Variants in ARHGAP25 observed in about 807,000 individuals in gnomAD.
ARHGAP25 encodes Rho GTPase activating protein 25, also known as rho GTPase-activating protein 25.
Under a neutral mutation model 71.0 loss-of-function variants are expected in ARHGAP25, and 34 were observed. The observed-to-expected ratio is 0.48, with a 90% confidence interval of 0.36 to 0.64. ARHGAP25 has a LOEUF of 0.64. Among genes scored for constraint, ARHGAP25 ranks in the 30% least tolerant of loss-of-function variants. The pLI is 0.00. For missense variants in ARHGAP25, 706 were observed against 805.1 expected, an observed-to-expected ratio of 0.88 and a Z score of 1.49; for synonymous variants, 282 against 296.5, an observed-to-expected ratio of 0.95 and a Z score of 0.50.
intron 2 of ARHGAP25, among the ~76,000 whole-genome samples, chr2:68,712,483 C>T (rs1004360692): frequency 4.6e-5 from 7 of 152,116 alleles, no homozygotes; most frequent in Non-Finnish European, 7.4e-5. Flanking sequence ...AAGATAGTTT[C>T]TTTTTCTGTA....
chr2:68,782,132 C>A, intron 2 of ARHGAP25, 101 bp from the exon 3 acceptor site: 1 of 1,062,598 alleles, frequency 9.4e-7, no homozygotes, highest in Non-Finnish European at 1.4e-6. Context: ...TATCCTCCTA[C>A]TCTCCTCCCC....
At chr2:68,753,830 G>A (rs34334511) in intron 1 of ARHGAP25, among the ~76,000 whole-genome samples, 8,255 of 152,088 alleles carry the variant, frequency 0.054, 307 homozygotes, top group Middle Eastern at 0.1. Context: ...GAGAATGTCA[G>A]CTCTGTGTAA....
chr2:68,754,340 A>G (rs1014994560), intron 1 of ARHGAP25, among the ~76,000 whole-genome samples: 19 of 152,188 alleles, frequency 1.2e-4, no homozygotes, highest in Admixed American at 5.9e-4. Flanking sequence ...CATATAAATG[A>G]AATGATAATG....
chr2:68,821,814 G>A (rs1681689154), intron 9 of ARHGAP25, among the ~76,000 whole-genome samples: 1 of 150,608 alleles, frequency 6.6e-6, no homozygotes, highest in African/African-American at 2.4e-5. Context: ...AATTACATTG[G>A]TTGTTGATCT....
At chr2:68,766,817 T>TCA (rs1438386734) in intron 1 of ARHGAP25, among the ~76,000 whole-genome samples, 1 of 152,046 alleles carries the variant, frequency 6.6e-6, no homozygotes, top group Non-Finnish European at 1.5e-5. Context: ...TTTCTCTCTC[T>TCA]CACACACACA....
chr2:68,747,343 G>A lies in ARHGAP25; in HGVS notation c.61+12083G>A, dbSNP rs1027961926. On this transcript the variant is annotated intron_variant, in intron 1 of 10. Transcript: ENST00000409202. ...CTGGCCACATCATTCGTGGAGCCTA[G>A]TACAAAATGAAAATGTGGGGTCCCT... Among the ~76,000 whole-genome samples the A allele has an allele frequency of 2.0e-5, 3 of 152,106 alleles. No individual in the cohort carries two copies. The East Asian group carries it at 5.8e-4, about 29-fold the overall frequency.
At chr2:68,760,202 T>G (rs898999916) in intron 1 of ARHGAP25, among the ~76,000 whole-genome samples, 1 of 151,892 alleles carries the variant, frequency 6.6e-6, no homozygotes, top group Non-Finnish European at 1.5e-5. Flanking sequence ...GTAATAAAAG[T>G]CATATGTAAA....
Position 68,803,206 on chromosome 2 carries a change from A to C in ARHGAP25, c.467-4067A>C, listed in dbSNP as rs1462043439. ...TGGAAGATGGAGCACAGTCAAAGAC[A>C]CTTGAAAGGAGTCATCAGTGACATG... On this transcript the variant is annotated intron_variant, in intron 4 of 10. Coordinates refer to ENST00000409202, the MANE Select transcript of ARHGAP25 (RefSeq NM_001007231.3). Among the ~76,000 whole-genome samples, 5 of 152,202 alleles carry C rather than the reference A, an allele frequency of 3.3e-5. No homozygotes were observed. The East Asian group carries it at 7.7e-4, about 23-fold the overall frequency.
intron 1 of ARHGAP25, among the ~76,000 whole-genome samples, chr2:68,745,529 C>T (rs540754256): frequency 6.6e-6 from 1 of 152,166 alleles, no homozygotes; most frequent in Non-Finnish European, 1.5e-5. Flanking sequence ...CTCATCATAA[C>T]CCCTAACCCT....
In ARHGAP25 at chr2:68,822,725, G is replaced by T. The variant is rs780362985; in HGVS notation, c.1586G>T (p.Gly529Val). The T allele has an allele frequency of 1.2e-6, 2 of 1,614,200 alleles. No homozygotes were observed. The highest frequency in any genetic ancestry group is 1.1e-5 in the South Asian group (1 of 91,080). The change falls in exon 10 of 11, where the codon GGA becomes GTA. Residue 529 changes from glycine to valine, a missense_variant. Coordinates refer to ENST00000409202, the MANE Select transcript of ARHGAP25 (RefSeq NM_001007231.3). ...ALSSQACDSK[G>V]DTLASPNSET... Reference sequence around the variant, plus strand: ...TCTTCCCAAGCCTGTGACTCCAAGGGAGATACTCTTGCCAGTCCAAACTCT... The same window carrying T: ...TCTTCCCAAGCCTGTGACTCCAAGGTAGATACTCTTGCCAGTCCAAACTCT...
chr2:68,774,828 T>C, intron 1 of ARHGAP25: 1 of 1,138,918 alleles, frequency 8.8e-7, no homozygotes, highest in Non-Finnish European at 1.1e-6. Context: ...GGCATTATTT[T>C]CTCCTCTCTC....
chr2:68,782,587 C>T (rs1026308892), intron 3 of ARHGAP25, among the ~76,000 whole-genome samples: 7 of 152,182 alleles, frequency 4.6e-5, no homozygotes, highest in Non-Finnish European at 1.0e-4. Flanking sequence ...TGCTAGGAGC[C>T]AGTTACTGTA....
chr2:68,804,931 A>G (rs1680255164), intron 4 of ARHGAP25, among the ~76,000 whole-genome samples: 2 of 152,224 alleles, frequency 1.3e-5, no homozygotes, highest in Admixed American at 6.5e-5. Context: ...CAGGGAGCTT[A>G]CAATCATGCA....
chr2:68,778,712 T>C (rs1312064552), intron 2 of ARHGAP25, among the ~76,000 whole-genome samples: 1 of 152,224 alleles, frequency 6.6e-6, no homozygotes, highest in Non-Finnish European at 1.5e-5. Flanking sequence ...GACACAGTAA[T>C]TCTGGGTCTA....
chr2:68,825,232 A>C (rs1159007531), intron 10 of ARHGAP25, among the ~76,000 whole-genome samples: 2 of 152,114 alleles, frequency 1.3e-5, no homozygotes, highest in African/African-American at 4.8e-5. Context: ...CTTAATAAGA[A>C]AGGGTGCTGA....
chr2:68,725,301 G>A (rs144263620), intron 2 of ARHGAP25, among the ~76,000 whole-genome samples: 209 of 152,180 alleles, frequency 1.4e-3, no homozygotes, highest in Non-Finnish European at 2.6e-3. Context: ...CGAGGCCACA[G>A]CGATCTTTTA....
intron 1 of ARHGAP25, among the ~76,000 whole-genome samples, chr2:68,748,836 A>C (rs191733930): frequency 6.6e-6 from 1 of 152,304 alleles, no homozygotes; most frequent in East Asian, 1.9e-4. Context: ...CAGAGCTACA[A>C]GGGGTATGTC....
chr2:68,770,888 C>T (rs1459850094), intron 1 of ARHGAP25, among the ~76,000 whole-genome samples: 1 of 152,172 alleles, frequency 6.6e-6, no homozygotes, highest in Non-Finnish European at 1.5e-5. Flanking sequence ...TGCTGCCTCA[C>T]TTTTATGGCC....
chr2:68,821,602 T>C (rs906366754), intron 9 of ARHGAP25, among the ~76,000 whole-genome samples: 1 of 152,238 alleles, frequency 6.6e-6, no homozygotes, highest in Non-Finnish European at 1.5e-5. Flanking sequence ...ATGAAAGAAC[T>C]GTTTTCCTAC....
Sources: gnomAD v4.1 joint callset for allele counts (sites outside exome capture counted in the v4.1 genomes callset) on GRCh38, gnomAD v4.1.1 for gene constraint, MANE v1.5 for transcripts, NCBI Gene and HGNC (gene_info 2026-07-23, HGNC 2026-07-21) for gene names.